NECAB1: variants seen among roughly 807,000 people sequenced by gnomAD.
The protein encoded by NECAB1 is N-terminal EF-hand calcium binding protein 1, also known as N-terminal EF-hand calcium-binding protein 1.
Under a neutral mutation model 57.5 loss-of-function variants are expected in NECAB1, and 29 were observed. The ratio of observed to expected loss-of-function variants is 0.50; its 90% confidence interval spans 0.38 to 0.69. The LOEUF (loss-of-function observed/expected upper bound fraction) is 0.69, where lower values mean the gene tolerates loss of function less well. Ranked by LOEUF, NECAB1 falls within the 30% of genes least tolerant of loss-of-function variation. The pLI is 0.00. For missense variants in NECAB1, 372 were observed against 413.8 expected (o/e 0.90, Z 0.88); for synonymous variants, 142 against 147.7 (o/e 0.96, Z 0.28).
chr8:90,822,223 A>T (rs990801119), intron 2 of NECAB1, among the ~76,000 whole-genome samples: 2 of 151,962 alleles, frequency 1.3e-5, no homozygotes, highest in African/African-American at 4.8e-5. Flanking sequence ...TCAACAGGAA[A>T]GTTGAAGTTT....
chr8:90,795,913 G>A (rs866986473), intron 1 of NECAB1, among the ~76,000 whole-genome samples: 5 of 152,136 alleles, frequency 3.3e-5, no homozygotes, highest in Admixed American at 1.3e-4. Context: ...ATTGATAGGT[G>A]CAGCAAACCA....
At chr8:90,798,531 T>C (rs1329486400) in intron 1 of NECAB1, among the ~76,000 whole-genome samples, 2 of 152,222 alleles carry the variant, frequency 1.3e-5, no homozygotes, top group East Asian at 1.9e-4. Context: ...CTCCCACTTA[T>C]AAGTGAGAAT....
chr8:90,813,801 CA>C (rs980114966), intron 2 of NECAB1, among the ~76,000 whole-genome samples: 1 of 151,954 alleles, frequency 6.6e-6, no homozygotes, highest in Admixed American at 6.6e-5. Flanking sequence ...ACTAATTTTT[CA>C]AAAAAGTTTT....
intron 5 of NECAB1, 151 bp from the exon 6 acceptor site, chr8:90,917,341 C>T: frequency 3.8e-6 from 2 of 530,396 alleles, no homozygotes; most frequent in Non-Finnish European, 6.0e-6. Flanking sequence ...GATGCTGTAG[C>T]CTCCAGGGCT....
chr8:90,891,191 GCT>G, intron 5 of NECAB1, among the ~76,000 whole-genome samples: 1 of 152,268 alleles, frequency 6.6e-6, no homozygotes, highest in South Asian at 2.1e-4. Flanking sequence ...GAGTGTCCAG[GCT>G]GACAGGCAAA....
chr8:90,914,992 T>C (rs1352836626), intron 5 of NECAB1, among the ~76,000 whole-genome samples: 1 of 152,210 alleles, frequency 6.6e-6, no homozygotes, highest in Non-Finnish European at 1.5e-5. Context: ...TTTCTATAAT[T>C]CTGACATGGC....
chr8:90,869,680 C>A (rs1808586825), intron 3 of NECAB1, among the ~76,000 whole-genome samples: 1 of 152,130 alleles, frequency 6.6e-6, no homozygotes, highest in South Asian at 2.1e-4. Flanking sequence ...GTGCCTGTAC[C>A]CCCATTGTAT....
intron 4 of NECAB1, among the ~76,000 whole-genome samples, chr8:90,877,521 G>A (rs1563514122): frequency 6.6e-6 from 1 of 152,170 alleles, no homozygotes; most frequent in East Asian, 1.9e-4. Flanking sequence ...GTACCCTAGA[G>A]TAGTGTTTCT....
At chr8:90,876,634 T>C (rs4517081) in intron 4 of NECAB1, among the ~76,000 whole-genome samples, 66,667 of 151,732 alleles carry the variant, frequency 0.44, 17,208 homozygotes, top group East Asian at 0.77. Flanking sequence ...GCAACACCAC[T>C]GATTAAGTAC....
At chr8:90,955,112 T>TTTTATATATATATATATATA (rs1554578887) in intron 12 of NECAB1, among the ~76,000 whole-genome samples, 4 of 70,814 alleles carry the variant, frequency 5.6e-5, no homozygotes, top group African/African-American at 1.9e-4. Flanking sequence ...GGTATATAAA[T>TTTTATATATATATATATATA]TATATATATA....
intron 3 of NECAB1, among the ~76,000 whole-genome samples, chr8:90,846,684 G>A (rs1236610761): frequency 6.6e-6 from 1 of 152,172 alleles, no homozygotes; most frequent in Non-Finnish European, 1.5e-5. Flanking sequence ...GTTCCACAAG[G>A]CTGGGGAAGC....
At chr8:90,795,706 T>TCACACACACACACA (rs1385184275) in intron 1 of NECAB1, among the ~76,000 whole-genome samples, 2 of 136,426 alleles carry the variant, frequency 1.5e-5, no homozygotes, top group African/African-American at 6.6e-5. Context: ...ACCTCATCTC[T>TCACACACACACACA]CTCACACACA....
chr8:90,926,026 G>A (rs1242059374), intron 7 of NECAB1, among the ~76,000 whole-genome samples: 1 of 152,142 alleles, frequency 6.6e-6, no homozygotes, highest in Admixed American at 6.5e-5. Flanking sequence ...CCTATCCTAA[G>A]TTCATCTGGG....
intron 2 of NECAB1, chr8:90,806,333 C>T (rs1366312284): frequency 6.6e-6 from 1 of 152,104 alleles, no homozygotes; most frequent in African/African-American, 2.4e-5. Context: ...TCACATACCC[C>T]CAGGTCCACC....
At chr8:90,824,308 ACAT>A (rs1210357382) in intron 2 of NECAB1, among the ~76,000 whole-genome samples, 2 of 151,880 alleles carry the variant, frequency 1.3e-5, no homozygotes, top group Non-Finnish European at 2.9e-5. Flanking sequence ...TTTATTAAAC[ACAT>A]CATATTTATC....
intron 10 of NECAB1, among the ~76,000 whole-genome samples, chr8:90,942,204 T>A (rs182041161): frequency 2.2e-4 from 34 of 152,316 alleles, no homozygotes; most frequent in Non-Finnish European, 8.8e-5. Context: ...CTCAAGAGGC[T>A]CATGAGATGG....
At chr8:90,877,137 A>C (rs1681666578) in intron 4 of NECAB1, among the ~76,000 whole-genome samples, 2 of 152,172 alleles carry the variant, frequency 1.3e-5, no homozygotes, top group South Asian at 4.1e-4. Context: ...ACTTCCAAAT[A>C]TGTCACTGTC....
intron 9 of NECAB1, among the ~76,000 whole-genome samples, chr8:90,938,132 A>T (rs1266427197): frequency 6.6e-6 from 1 of 152,228 alleles, no homozygotes; most frequent in East Asian, 1.9e-4. Flanking sequence ...AAATGTTCCA[A>T]GAAATCAAAG....
rs1370141919 is a variant in NECAB1 at position 90,821,515 on chromosome 8, T to G, written c.125-3202T>G. On this transcript the variant is annotated intron_variant, in intron 2 of 12. Coordinates refer to ENST00000417640, the MANE Select transcript of NECAB1 (RefSeq NM_022351.5). ...TTCTTTTCAGTTTCCAACCCAAGTC[T>G]TTTCTTGCCTCCTAGCCTTGTCATT... Among the ~76,000 whole-genome samples, 9 of 151,908 alleles carry G rather than the reference T, an allele frequency of 5.9e-5. 1 individual carries two copies. In the South Asian group the frequency reaches 1.7e-3, roughly 28 times the overall value.
Sources: gnomAD v4.1 joint callset for allele counts (sites outside exome capture counted in the v4.1 genomes callset) on GRCh38, gnomAD v4.1.1 for gene constraint, MANE v1.5 for transcripts, NCBI Gene and HGNC (gene_info 2026-07-23, HGNC 2026-07-21) for gene names.